The following SEPTIN7 variants were observed in gnomAD, a reference collection of about 807,000 sequenced individuals.
The protein encoded by SEPTIN7 is septin 7.
A neutral mutation model predicts 63.3 loss-of-function variants in SEPTIN7; 10 were observed. The ratio of observed to expected loss-of-function variants is 0.16; its 90% CI spans 0.10 to 0.27. The LOEUF (loss-of-function observed/expected upper bound fraction) is 0.27, where lower values mean the gene tolerates loss of function less well. SEPTIN7 is among the 10% of genes least tolerant of loss of function. The probability of loss-of-function intolerance (pLI) is 1.00; values close to 1 mark genes in which losing one functional copy is unlikely to be tolerated. For missense variants in SEPTIN7, 310 were observed against 521.0 expected (o/e 0.59, Z 3.94); for synonymous variants, 131 against 165.3 (o/e 0.79, Z 1.59).
chr7:35,825,948 A>G (rs1783488685), intron 1 of SEPTIN7, among the ~76,000 whole-genome samples: 1 of 152,134 alleles, frequency 6.6e-6, no homozygotes, highest in Non-Finnish European at 1.5e-5. Flanking sequence ...TCATATCAGT[A>G]AAAAGAGGAG....
intron 3 of SEPTIN7, among the ~76,000 whole-genome samples, chr7:35,851,035 A>G (rs569447145): frequency 5.9e-5 from 9 of 152,272 alleles, no homozygotes; most frequent in African/African-American, 1.9e-4. Context: ...GACGTTAGCT[A>G]TTATAAACAA....
downstream of SEPTIN7, among the ~76,000 whole-genome samples, chr7:35,909,956 A>G (rs999080239): frequency 6.6e-6 from 1 of 152,230 alleles, no homozygotes; most frequent in Non-Finnish European, 1.5e-5. Flanking sequence ...GGCTGAGGCT[A>G]CAGTCAACTG....
rs778786107 is a variant in SEPTIN7 at position 35,835,402 on chromosome 7, C to T, written c.169+2502C>T. 1.9e-4 allele frequency among the ~76,000 whole-genome samples: 29 copies of T among 152,126 alleles called. 1 individual carries two copies. The highest frequency in any genetic ancestry group is 6.0e-4 in the African/African-American group (25 of 41,422). On this transcript the variant is annotated intron_variant, in intron 3 of 13. Coordinates refer to ENST00000350320, the MANE Select transcript of SEPTIN7 (RefSeq NM_001788.6). ...TTTATGGGCATTATCTGCTAACTTA[C>T]GATTCTTACAACAGCCCTATGAAGT... is the stretch of plus-strand genomic sequence containing the variant.
At chr7:35,805,162 G>T (rs1788251435) in intron 1 of SEPTIN7, among the ~76,000 whole-genome samples, 1 of 152,206 alleles carries the variant, frequency 6.6e-6, no homozygotes, top group Admixed American at 6.5e-5. Flanking sequence ...GATTATAGAT[G>T]TGAGCCATCA....
At chr7:35,843,560 GTA>G (rs1437905451) in intron 3 of SEPTIN7, among the ~76,000 whole-genome samples, 28 of 152,222 alleles carry the variant, frequency 1.8e-4, no homozygotes. Context: ...GAATTAATTG[GTA>G]TGTGAATAGA....
rs889266858 is a variant in SEPTIN7 at position 35,803,228 on chromosome 7, T to C, written c.61+1958T>C. 3 of 712,378 alleles carry C rather than the reference T, an allele frequency of 4.2e-6. No homozygotes were observed. The African/African-American group carries it at 5.8e-5, about 14-fold the overall frequency. The allele number at this position is 712,378 out of a possible 1,614,324, so 44.1% of individuals were successfully genotyped here. On this transcript the variant is annotated intron_variant, in intron 1 of 13. Transcript: ENST00000350320. The stretch of plus-strand genomic sequence containing the variant: ...AAAGGTAGTGTTAAAAGATTGTATT[T>C]CAGAAGTTTGTGATAAAATTGGTTG...
Position 35,870,871 on chromosome 7 carries a change from C to T in SEPTIN7, c.277-1795C>T, listed in dbSNP as rs144586210. ...GTTTTTCCTTTGGTTCTCATGATCT[C>T]ACACTGATGAATCTGATTGTTTTCT... is the stretch of plus-strand genomic sequence containing the variant. On this transcript the variant is annotated intron_variant, in intron 4 of 13. Coordinates refer to ENST00000350320, the MANE Select transcript of SEPTIN7 (RefSeq NM_001788.6). Among the ~76,000 whole-genome samples the T allele has an allele frequency of 9.7e-3, 1,461 of 150,900 alleles. 12 individuals are homozygous for T. The highest frequency in any genetic ancestry group is 0.024 in the Middle Eastern group (7 of 290).
intron 3 of SEPTIN7, among the ~76,000 whole-genome samples, chr7:35,841,383 C>G (rs1263125284): frequency 6.6e-6 from 1 of 152,110 alleles, no homozygotes; most frequent in Non-Finnish European, 1.5e-5. Context: ...AATTATGATT[C>G]TTAATCTGTT....
intron 1 of SEPTIN7, among the ~76,000 whole-genome samples, chr7:35,811,178 CATA>C (rs1788685606): frequency 6.6e-6 from 1 of 151,998 alleles, no homozygotes. Context: ...GCAAAATTCT[CATA>C]ATAATTTTCT....
Position 35,812,153 on chromosome 7 carries a change from A to C in SEPTIN7, c.61+10883A>C, listed in dbSNP as rs115118431. On this transcript the variant is annotated intron_variant, in intron 1 of 13. Coordinates refer to ENST00000350320, the MANE Select transcript of SEPTIN7 (RefSeq NM_001788.6). The stretch of plus-strand genomic sequence containing the variant: ...CAAAAAAAAAAAAAACAAAAAAAAA[A>C]CAGTTTTTAGAGAGATGGCTAACTC... 685 of 189,214 alleles carry C rather than the reference A, an allele frequency of 3.6e-3. 6 individuals are homozygous for C. Among genetic ancestry groups the C allele is most frequent in the African/African-American group, 0.015 (639 of 41,648 alleles). The allele number at this position is 189,214 out of a possible 1,614,324, so 11.7% of individuals were successfully genotyped here. A position where few individuals can be genotyped will look rare whatever the true frequency, so the allele number is the denominator to read the frequency against.
intron 3 of SEPTIN7, among the ~76,000 whole-genome samples, chr7:35,858,136 G>A (rs1207063766): frequency 6.6e-6 from 1 of 151,790 alleles, no homozygotes; most frequent in Non-Finnish European, 1.5e-5. Context: ...ATAGAGACAG[G>A]GTTTTGCCAT....
intron 4 of SEPTIN7, among the ~76,000 whole-genome samples, chr7:35,868,618 G>A (rs1034330939): frequency 1.3e-5 from 2 of 152,098 alleles, no homozygotes; most frequent in Non-Finnish European, 2.9e-5. Context: ...TTAAGGAAGG[G>A]ATGAAAAGGG....
chr7:35,834,265 TA>T (rs1174621280), intron 3 of SEPTIN7, among the ~76,000 whole-genome samples: 1 of 151,888 alleles, frequency 6.6e-6, no homozygotes, highest in Non-Finnish European at 1.5e-5. Flanking sequence ...CTGTAACAAT[TA>T]AAAAAATTTC....
At chr7:35,829,691 A>G (rs1783726166) in intron 1 of SEPTIN7, among the ~76,000 whole-genome samples, 1 of 152,212 alleles carries the variant, frequency 6.6e-6, no homozygotes, top group Admixed American at 6.5e-5. Flanking sequence ...TATGTAATTC[A>G]TTCAATCTCT....
Position 35,825,520 on chromosome 7 carries a change from G to A in SEPTIN7, c.62-5972G>A, listed in dbSNP as rs1222842582. ...ATCTAAAGGATCTGATCCCAGGATA[G>A]GATGAAACACCCTTCCTTGTTTGCT... On this transcript the variant is annotated intron_variant, in intron 1 of 13. Transcript: ENST00000350320. 3.3e-5 allele frequency among the ~76,000 whole-genome samples: 5 copies of A among 152,090 alleles called. No homozygotes were observed. In the East Asian group the frequency reaches 7.7e-4, roughly 23 times the overall value.
rs753885019 is a variant in SEPTIN7, at chr7:35,904,922, T to C, written c.*629T>C. ...TATTATTCTCATTTAGTGCCCTCTT[T>C]AGCCAGAATCTCATTACTGCTTCAT... On this transcript the variant is annotated 3_prime_UTR_variant, in exon 14 of 14. Transcript: ENST00000350320. 1.3e-5 allele frequency: 2 copies of C among 152,630 alleles called. No individual in the cohort carries two copies. The highest frequency in any genetic ancestry group is 2.9e-5 in the Non-Finnish European group (2 of 68,016). The allele number at this position is 152,630 out of a possible 1,614,324, so 9.5% of individuals were successfully genotyped here.
intron 1 of SEPTIN7, among the ~76,000 whole-genome samples, chr7:35,812,813 T>C (rs1252792587): frequency 6.6e-6 from 1 of 152,210 alleles, no homozygotes; most frequent in African/African-American, 2.4e-5. Context: ...AACTTACCTA[T>C]TATAGTAACA....
intron 1 of SEPTIN7, among the ~76,000 whole-genome samples, chr7:35,827,231 G>T (rs896836494): frequency 6.6e-6 from 1 of 152,132 alleles, no homozygotes; most frequent in Non-Finnish European, 1.5e-5. Flanking sequence ...TAAAGACCTA[G>T]GGGTATTTTT....
At chr7:35,891,359 G>A (rs534932547) in intron 11 of SEPTIN7, among the ~76,000 whole-genome samples, 1 of 151,900 alleles carries the variant, frequency 6.6e-6, no homozygotes, top group Admixed American at 6.6e-5. Context: ...TTGTCATTTT[G>A]TAAACATCAT....
Sources: gnomAD v4.1 joint callset for allele counts (sites outside exome capture counted in the v4.1 genomes callset) on GRCh38, gnomAD v4.1.1 for gene constraint, MANE v1.5 for transcripts, NCBI Gene and HGNC (gene_info 2026-07-23, HGNC 2026-07-21) for gene names.